Variants in PPP2R3A observed in about 807,000 individuals in gnomAD.
PPP2R3A encodes the protein protein phosphatase 2 regulatory subunit B''alpha, also known as serine/threonine-protein phosphatase 2A regulatory subunit B'' subunit alpha.
Under a neutral mutation model 106.9 loss-of-function variants are expected in PPP2R3A, and 80 were observed. The ratio of observed to expected loss-of-function variants is 0.75; its 90% CI spans 0.62 to 0.90. PPP2R3A has a LOEUF of 0.90. PPP2R3A is among the 40% of genes least tolerant of loss of function. PPP2R3A has a pLI of 0.00. For synonymous variants in PPP2R3A, 483 were observed against 468.3 expected (o/e 1.03, Z -0.41); for missense variants, 1,386 against 1,350.4 (o/e 1.03, Z -0.41).
intron 5 of PPP2R3A, among the ~76,000 whole-genome samples, chr3:136,067,186 T>C (rs1425482541): frequency 6.6e-6 from 1 of 152,072 alleles, no homozygotes; most frequent in East Asian, 1.9e-4. Context: ...AAATTAGTAA[T>C]AAAACTAACT....
intron 13 of PPP2R3A, among the ~76,000 whole-genome samples, chr3:136,143,015 A>G (rs1938939727): frequency 6.6e-6 from 1 of 152,178 alleles, no homozygotes; most frequent in Non-Finnish European, 1.5e-5. Context: ...AGCACATCCC[A>G]TGCCGCATTG....
intron 5 of PPP2R3A, among the ~76,000 whole-genome samples, chr3:136,059,540 T>G (rs4678224): frequency 6.6e-6 from 1 of 151,944 alleles, no homozygotes; most frequent in African/African-American, 2.4e-5. Context: ...GAGTGTAAAT[T>G]AGTTCAATCA....
At chr3:136,079,815 A>T (rs1188251068) in intron 7 of PPP2R3A, among the ~76,000 whole-genome samples, 2 of 151,900 alleles carry the variant, frequency 1.3e-5, no homozygotes, top group East Asian at 3.9e-4. Flanking sequence ...ATAAGATCAC[A>T]CAAAAGTAAG....
At chr3:136,144,924 C>CCA (rs1939049247) in intron 13 of PPP2R3A, 119 bp from the exon 14 acceptor site, 1 of 1,127,776 alleles carries the variant, frequency 8.9e-7, no homozygotes, top group African/African-American at 1.6e-5. Flanking sequence ...CTCACGGCCT[C>CCA]CATTTAGCAA....
intron 1 of PPP2R3A, among the ~76,000 whole-genome samples, chr3:135,971,758 A>T (rs528005827): frequency 6.6e-6 from 1 of 152,324 alleles, no homozygotes; most frequent in South Asian, 2.1e-4. Flanking sequence ...TCTTATTTAG[A>T]AACTTGTGTA....
intron 1 of PPP2R3A, among the ~76,000 whole-genome samples, chr3:135,971,904 G>A (rs769548658): frequency 3.3e-5 from 5 of 152,176 alleles, no homozygotes; most frequent in Non-Finnish European, 7.4e-5. Context: ...CAGGATAGCT[G>A]AGTGGGGAGA....
chr3:136,120,762 C>T (rs555344183), intron 13 of PPP2R3A, among the ~76,000 whole-genome samples: 1 of 152,040 alleles, frequency 6.6e-6, no homozygotes, highest in East Asian at 1.9e-4. Context: ...AAAAAATGCC[C>T]ATAGGACATG....
Position 136,003,152 on chromosome 3 carries a change from G to A in PPP2R3A, c.1654G>A (p.Val552Ile). 1.2e-6 allele frequency: 2 copies of A among 1,613,832 alleles called. No individual in the cohort carries two copies. Among genetic ancestry groups the A allele is most frequent in the South Asian group, 2.2e-5 (2 of 91,058 alleles). Reference sequence around the variant, plus strand: ...CAGTCAGTTGACCGGTCAGACCCTTGTAGATCTTGAGCCTAAATCTAAAGT... The same window carrying A: ...CAGTCAGTTGACCGGTCAGACCCTTATAGATCTTGAGCCTAAATCTAAAGT... ...SHSQLTGQTL[V>I]DLEPKSKVSS... Residue 552 changes from valine (V) to isoleucine (I), a missense_variant, in exon 2 of 14, where the codon GTA (valine) becomes ATA (isoleucine). Val to Ile is a conservative substitution (Grantham distance 29). Transcript: ENST00000264977.
At chr3:135,976,515 C>A (rs559933987) in intron 1 of PPP2R3A, among the ~76,000 whole-genome samples, 1 of 152,264 alleles carries the variant, frequency 6.6e-6, no homozygotes, top group East Asian at 1.9e-4. Context: ...CTAGAATACA[C>A]AACATAACAG....
Position 136,145,249 on chromosome 3 carries a change from T to TTAA in PPP2R3A, c.*84_*85insAAT. 1 of 1,461,198 alleles carries TTAA rather than the reference T, an allele frequency of 6.8e-7. No individual in the cohort carries two copies. Among genetic ancestry groups the TTAA allele is most frequent in the Non-Finnish European group, 9.1e-7 (1 of 1,095,914 alleles). The allele number at this position is 1,461,198 out of a possible 1,614,324, so 90.5% of individuals were successfully genotyped here. ...GAGATGTTCTCGTTTGCATACTGCT[T>TTAA]TTTAAAGACTTTGATTTCTCCAAGT... On this transcript the variant is annotated 3_prime_UTR_variant, in exon 14 of 14. Coordinates refer to ENST00000264977, the MANE Select transcript of PPP2R3A (RefSeq NM_002718.5).
chr3:136,140,442 T>TAAAAAAAAAAAAA (rs199699500), intron 13 of PPP2R3A, among the ~76,000 whole-genome samples: 10 of 87,240 alleles, frequency 1.1e-4, no homozygotes, highest in African/African-American at 4.8e-4. Flanking sequence ...TGAGACTCTT[T>TAAAAAAAAAAAAA]AAAAAAAAAA....
In PPP2R3A at chr3:136,001,468, C is replaced by T. The variant is rs1933617228; in HGVS notation, c.-31C>T. 6.4e-7 allele frequency: 1 copy of T among 1,572,356 alleles called. No individual in the cohort carries two copies. Among genetic ancestry groups the T allele is most frequent in the Non-Finnish European group, 8.7e-7 (1 of 1,152,900 alleles). On this transcript the variant is annotated 5_prime_UTR_variant, in exon 2 of 14. Transcript: ENST00000264977. ...TTCATGAAACAAGTTCTAGAAAGTT[C>T]CAAGTCCCACCAGTAAGTGGATTTG...
intron 2 of PPP2R3A, among the ~76,000 whole-genome samples, chr3:136,015,458 T>C (rs528532206): frequency 6.6e-6 from 1 of 151,960 alleles, no homozygotes; most frequent in African/African-American, 2.4e-5. Context: ...CTTTTTTTTG[T>C]TGGCAATTTT....
chr3:136,085,636 T>C lies in PPP2R3A; in HGVS notation c.2789-2247T>C, dbSNP rs1025041674. ...TTGATTCATTCTTCTCTCATAAGAT[T>C]GTCCCTGTTCTGTCCTTAAATGCCT... On this transcript the variant is annotated intron_variant, in intron 8 of 13. Transcript: ENST00000264977. Among the ~76,000 whole-genome samples, 3 of 152,234 alleles carry C rather than the reference T, an allele frequency of 2.0e-5. No homozygotes were observed. The South Asian group carries it at 6.2e-4, about 31-fold the overall frequency.
At chr3:136,140,040 T>C (rs1938794811) in intron 13 of PPP2R3A, among the ~76,000 whole-genome samples, 1 of 151,904 alleles carries the variant, frequency 6.6e-6, no homozygotes, top group South Asian at 2.1e-4. Context: ...GTTCTCAATT[T>C]GATACCTATG....
Position 136,026,864 on chromosome 3 carries a change from A to G in PPP2R3A, c.2028A>G (p.Thr676=), listed in dbSNP as rs746296979. The change falls in exon 3 of 14, where the codon ACA becomes ACG. Residue 676 remains threonine (T), a synonymous_variant. Coordinates refer to ENST00000264977, the MANE Select transcript of PPP2R3A (RefSeq NM_002718.5). ...IQNKPEKKPG[T]PLPPPATSPS... ...ATAAACCAGAAAAGAAACCTGGAAC[A>G]CCACTCCCACCTCCAGCCACCTCTC... The G allele has an allele frequency of 6.2e-7, 1 of 1,611,764 alleles. No individual in the cohort carries two copies. The highest frequency in any genetic ancestry group is 1.1e-5 in the South Asian group (1 of 90,570).
intron 4 of PPP2R3A, among the ~76,000 whole-genome samples, chr3:136,047,345 A>G (rs933616383): frequency 6.6e-6 from 1 of 152,202 alleles, no homozygotes; most frequent in Non-Finnish European, 1.5e-5. Flanking sequence ...ATGCACCCAT[A>G]TGTTCAATGA....
intron 13 of PPP2R3A, among the ~76,000 whole-genome samples, chr3:136,133,582 T>C (rs1177831384): frequency 2.6e-5 from 4 of 152,016 alleles, no homozygotes; most frequent in African/African-American, 9.7e-5. Flanking sequence ...AAGTTAAACA[T>C]ACATTTGGCT....
In PPP2R3A at chr3:136,041,264, T is replaced by TG. The variant is rs1308767786; in HGVS notation, c.2366+302_2366+303insG. Among the ~76,000 whole-genome samples the TG allele has an allele frequency of 9.9e-5, 8 of 80,552 alleles. 1 individual carries two copies. Among genetic ancestry groups the TG allele is most frequent in the Non-Finnish European group, 1.7e-4 (5 of 30,228 alleles). The allele number at this position is 80,552 out of a possible 152,430, so 52.8% of individuals were successfully genotyped here. On this transcript the variant is annotated intron_variant, in intron 4 of 13. Transcript: ENST00000264977. ...TTTTTTTTTTTGTTTTTTTTTTTGT[T>TG]TTTTTTTTTTTGAGACAGAATGTCA...
Sources: allele counts gnomAD v4.1 joint callset (sites outside exome capture counted in the v4.1 genomes callset), GRCh38; gene constraint gnomAD v4.1.1; transcripts MANE v1.5; gene names NCBI Gene and HGNC (gene_info 2026-07-23, HGNC 2026-07-21).